The following TMEM207 variants were observed in gnomAD, a reference collection of about 807,000 sequenced individuals.
TMEM207 encodes the protein SRSR846.
TMEM207 carries 15 observed loss-of-function variants against 17.4 expected under a neutral mutation model. That is an observed-to-expected ratio of 0.86 (90% CI 0.58 to 1.33). The LOEUF is 1.33. TMEM207 is among the 40% of genes most tolerant of loss of function. The pLI is 0.00. For synonymous variants in TMEM207, 70 were observed against 65.6 expected, an observed-to-expected ratio of 1.07 and a Z score of -0.33; for missense variants, 205 against 173.8, an observed-to-expected ratio of 1.18 and a Z score of -1.01.
At position 190,440,359 on chromosome 3, in the gene TMEM207, A is replaced by G; in HGVS notation, c.189T>C (p.Ala63=). 1.2e-6 allele frequency: 2 copies of G among 1,612,344 alleles called. No individual in the cohort carries two copies. The highest frequency in any genetic ancestry group is 1.7e-6 in the Non-Finnish European group (2 of 1,179,548). ...AGAGGACCACAGCTCCACAGAGAAG[A>G]GCTGCCACCAAAACCAGCAGCAGGA... The part of the protein sequence containing the change: ...WILLLLVLVA[A]LLCGAVVLCL... Residue 63 remains alanine (A), a synonymous_variant, in exon 4 of 5, where the codon GCT becomes GCC. Coordinates refer to ENST00000354905, the MANE Select transcript of TMEM207 (RefSeq NM_207316.3).
At chr3:190,432,385 T>C (rs1460035491) in intron 4 of TMEM207, among the ~76,000 whole-genome samples, 1 of 152,164 alleles carries the variant, frequency 6.6e-6, no homozygotes, top group African/African-American at 2.4e-5. Context: ...TGTTCCCTCA[T>C]TGGTAGAGTG....
chr3:190,440,454 C>T, intron 3 of TMEM207, 65 bp from the exon 4 acceptor site: 1 of 1,467,572 alleles, frequency 6.8e-7, no homozygotes, highest in Non-Finnish European at 9.2e-7. Flanking sequence ...GAGCTTCCAT[C>T]ACTACCTAGA....
At chr3:190,435,757 A>G (rs1447490396) in intron 4 of TMEM207, among the ~76,000 whole-genome samples, 1 of 152,216 alleles carries the variant, frequency 6.6e-6, no homozygotes, top group Non-Finnish European at 1.5e-5. Flanking sequence ...AGACAGGAAC[A>G]TTAGCCCGGG....
chr3:190,446,130 A>G (rs902818720), intron 2 of TMEM207, among the ~76,000 whole-genome samples: 15 of 151,934 alleles, frequency 9.9e-5, no homozygotes, highest in Admixed American at 9.8e-4. Context: ...GGTCCTTTTC[A>G]CTGTAATCTG....
rs1720022157 is a variant in TMEM207 at position 190,445,353 on chromosome 3, A to G, written c.113+2437T>C. Among the ~76,000 whole-genome samples, 5 of 152,240 alleles carry G rather than the reference A, an allele frequency of 3.3e-5. No individual in the cohort carries two copies. In the South Asian group the frequency reaches 1.0e-3, roughly 32 times the overall value. On this transcript the variant is annotated intron_variant, in intron 2 of 4. Transcript: ENST00000354905. ...GAAGTATGATAAGAGGGGCTCTGTC[A>G]TGCTTTATTTCATAAAATAAATTAC...
At position 190,429,186 on chromosome 3, in the gene TMEM207, G is replaced by C. The variant is rs997199326; in HGVS notation, c.*409C>G. 2 of 154,718 alleles carry C rather than the reference G, an allele frequency of 1.3e-5. No homozygotes were observed. Among genetic ancestry groups the C allele is most frequent in the Non-Finnish European group, 2.9e-5 (2 of 69,818 alleles). The allele number at this position is 154,718 out of a possible 1,614,324, so 9.6% of individuals were successfully genotyped here. The stretch of plus-strand genomic sequence containing the variant: ...CTGGTTCTGGACATGTTGGATTCTC[G>C]GCTTGGGCTATTGTTAAATTATAAT... On this transcript the variant is annotated 3_prime_UTR_variant, in exon 5 of 5. Coordinates refer to ENST00000354905, the MANE Select transcript of TMEM207 (RefSeq NM_207316.3).
chr3:190,447,308 A>C (rs1720072453), intron 2 of TMEM207, among the ~76,000 whole-genome samples: 1 of 152,194 alleles, frequency 6.6e-6, no homozygotes, highest in South Asian at 2.1e-4. Context: ...TATCGCACAA[A>C]AAGTGAAAAA....
In TMEM207 at chr3:190,443,287, C is replaced by G. The variant is rs954163279; in HGVS notation, c.114-1805G>C. 2.0e-5 allele frequency among the ~76,000 whole-genome samples: 3 copies of G among 151,278 alleles called. No homozygotes were observed. The South Asian group carries it at 6.3e-4, about 32-fold the overall frequency. The stretch of plus-strand genomic sequence containing the variant: ...GTTTGAAAATAGCCCCTTTACTTAT[C>G]GTTAAACTCAATTCTAAATATTAAC... On this transcript the variant is annotated intron_variant, in intron 2 of 4. Coordinates refer to ENST00000354905, the MANE Select transcript of TMEM207 (RefSeq NM_207316.3).
chr3:190,437,028 A>G (rs1719816161), intron 4 of TMEM207, among the ~76,000 whole-genome samples: 1 of 152,226 alleles, frequency 6.6e-6, no homozygotes, highest in Non-Finnish European at 1.5e-5. Context: ...ACACAAAAAA[A>G]GATAAATAGG....
rs76038672 is a variant in TMEM207 at position 190,447,754 on chromosome 3, G to A, written c.113+36C>T. On this transcript the variant is annotated intron_variant, in intron 2 of 4. Coordinates refer to ENST00000354905, the MANE Select transcript of TMEM207 (RefSeq NM_207316.3). ...TTTATACTTTGAATTTTTTAAATGC[G>A]AAATAAAAACATGGAGTTTTTCGCT... 758 of 1,602,108 alleles carry A rather than the reference G, an allele frequency of 4.7e-4. 6 individuals are homozygous for A. In the African/African-American group the frequency reaches 8.5e-3, roughly 18 times the overall value.
intron 2 of TMEM207, among the ~76,000 whole-genome samples, chr3:190,447,335 A>T (rs921386983): frequency 5.3e-5 from 8 of 152,224 alleles, no homozygotes; most frequent in Non-Finnish European, 1.0e-4. Flanking sequence ...TCAATTGTTC[A>T]CATAATTCAT....
chr3:190,449,481 G>T (rs1179621249), intron 1 of TMEM207, among the ~76,000 whole-genome samples: 1 of 152,168 alleles, frequency 6.6e-6, no homozygotes, highest in Non-Finnish European at 1.5e-5. Flanking sequence ...TTAAACAAAG[G>T]TTAAATTTGC....
intron 2 of TMEM207, among the ~76,000 whole-genome samples, chr3:190,447,335 A>G (rs921386983): frequency 3.3e-5 from 5 of 152,224 alleles, no homozygotes; most frequent in Non-Finnish European, 7.3e-5. Context: ...TCAATTGTTC[A>G]CATAATTCAT....
Position 190,440,218 on chromosome 3 carries a change from A to G in TMEM207, c.304+26T>C, listed in dbSNP as rs201009644. 3.1e-3 allele frequency: 4,846 copies of G among 1,579,650 alleles called. 12 individuals are homozygous for G. Among genetic ancestry groups the G allele is most frequent in the Non-Finnish European group, 3.7e-3 (4,330 of 1,166,288 alleles). On this transcript the variant is annotated intron_variant, in intron 4 of 4. Transcript: ENST00000354905. ...GCAAAACCACAAAGTATCAAAAAAGAGTCCAGAAGCGTGCAGACAACTCAC... is the reference window on the plus strand; with the variant it reads ...GCAAAACCACAAAGTATCAAAAAAGGGTCCAGAAGCGTGCAGACAACTCAC...
Position 190,431,757 on chromosome 3 carries a change from G to C in TMEM207, c.305-2026C>G, listed in dbSNP as rs572458622. On this transcript the variant is annotated intron_variant, in intron 4 of 4. Coordinates refer to ENST00000354905, the MANE Select transcript of TMEM207 (RefSeq NM_207316.3). ...CTTGACACATCTATTATTTGTACTA[G>C]CTCCAATTTATTTGTACGATTGCCA... Among the ~76,000 whole-genome samples the C allele has an allele frequency of 5.3e-4, 81 of 152,184 alleles. No homozygotes were observed. The South Asian group carries it at 0.01, about 20-fold the overall frequency.
rs142573616 is a variant in TMEM207, at chr3:190,447,524, A to G, written c.113+266T>C. Among the ~76,000 whole-genome samples the G allele has an allele frequency of 2.7e-3, 415 of 152,238 alleles. 2 individuals are homozygous for G. The highest frequency in any genetic ancestry group is 9.2e-3 in the African/African-American group (383 of 41,534). ...GAACTTAAAGTACCCTTGAAACCTT[A>G]AGGAAGATAAATTCAGTGTGCAAAA... is the stretch of plus-strand genomic sequence containing the variant. On this transcript the variant is annotated intron_variant, in intron 2 of 4. Transcript: ENST00000354905.
At chr3:190,445,970 T>A (rs756477844) in intron 2 of TMEM207, among the ~76,000 whole-genome samples, 1 of 152,232 alleles carries the variant, frequency 6.6e-6, no homozygotes, top group Non-Finnish European at 1.5e-5. Context: ...ACCTAGGCGA[T>A]CCATGTTTCA....
chr3:190,447,479 T>C (rs1253662045), intron 2 of TMEM207, among the ~76,000 whole-genome samples: 1 of 152,190 alleles, frequency 6.6e-6, no homozygotes, highest in African/African-American at 2.4e-5. Flanking sequence ...AAGCCATAGA[T>C]GACATCATGA....
intron 4 of TMEM207, among the ~76,000 whole-genome samples, chr3:190,430,914 A>C (rs1249183202): frequency 6.6e-6 from 1 of 152,204 alleles, no homozygotes; most frequent in Admixed American, 6.5e-5. Context: ...CACAATGATC[A>C]AAAGAATTCA....
Sources: gnomAD v4.1 joint callset for allele counts (sites outside exome capture counted in the v4.1 genomes callset) on GRCh38, gnomAD v4.1.1 for gene constraint, MANE v1.5 for transcripts, NCBI Gene and HGNC (gene_info 2026-07-23, HGNC 2026-07-21) for gene names.